The following NRIP1 variants were observed in gnomAD, a reference collection of about 807,000 sequenced individuals.
The protein encoded by NRIP1 is nuclear receptor interacting protein 1.
A neutral mutation model predicts 75.0 loss-of-function variants in NRIP1; 28 were observed. The observed-to-expected ratio is 0.37, with a 90% confidence interval of 0.28 to 0.51. NRIP1 has a LOEUF of 0.51. Among genes scored for constraint, NRIP1 ranks in the 20% least tolerant of loss-of-function variants. The pLI is 0.92. For missense variants in NRIP1, 1,435 were observed against 1,343.7 expected (o/e 1.07, Z -1.06); for synonymous variants, 526 against 487.6 (o/e 1.08, Z -1.04).
intron 1 of NRIP1, among the ~76,000 whole-genome samples, chr21:15,064,496 C>T (rs1293191235): frequency 6.6e-6 from 1 of 152,032 alleles, no homozygotes; most frequent in Non-Finnish European, 1.5e-5. Context: ...AGAACTGGCA[C>T]GGACGGGCGG....
At chr21:15,038,273 A>T (rs2088878094) in intron 2 of NRIP1, among the ~76,000 whole-genome samples, 1 of 152,114 alleles carries the variant, frequency 6.6e-6, no homozygotes, top group Admixed American at 6.6e-5. Flanking sequence ...GTACTATTTT[A>T]AAAACATTTA....
intron 3 of NRIP1, among the ~76,000 whole-genome samples, chr21:15,001,501 A>C (rs2087848093): frequency 6.6e-6 from 1 of 152,210 alleles, no homozygotes; most frequent in South Asian, 2.1e-4. Context: ...TTTCATATTA[A>C]GTAACCTCAA....
At chr21:14,979,810 G>A (rs1200171946) in intron 3 of NRIP1, among the ~76,000 whole-genome samples, 1 of 151,936 alleles carries the variant, frequency 6.6e-6, no homozygotes, top group Non-Finnish European at 1.5e-5. Flanking sequence ...CACTGCACCC[G>A]GCCAGAATTG....
chr21:15,036,347 T>G (rs1355799455), intron 2 of NRIP1, among the ~76,000 whole-genome samples: 1 of 152,162 alleles, frequency 6.6e-6, no homozygotes, highest in East Asian at 1.9e-4. Flanking sequence ...GAAACTATAA[T>G]CATTTCCTCC....
At chr21:15,037,281 C>T (rs1246638009) in intron 2 of NRIP1, among the ~76,000 whole-genome samples, 2 of 152,166 alleles carry the variant, frequency 1.3e-5, no homozygotes, top group African/African-American at 4.8e-5. Flanking sequence ...CATGAAAAAA[C>T]TGTTGCACAA....
intron 3 of NRIP1, among the ~76,000 whole-genome samples, chr21:14,981,610 T>C (rs1013259436): frequency 6.7e-6 from 1 of 148,182 alleles, no homozygotes; most frequent in African/African-American, 2.6e-5. Context: ...GTGATTTCAA[T>C]TGTTGGACCA....
chr21:15,037,814 A>C (rs910555070), intron 2 of NRIP1, among the ~76,000 whole-genome samples: 2 of 152,170 alleles, frequency 1.3e-5, no homozygotes, highest in Non-Finnish European at 1.5e-5. Context: ...CTTGTGAGCA[A>C]AGGTCTTTGT....
rs1320173225 is a variant in NRIP1 at position 14,965,702 on chromosome 21, G to A, written c.2491C>T (p.Leu831=). The A allele has an allele frequency of 1.2e-6, 2 of 1,613,770 alleles. No individual in the cohort carries two copies. Among genetic ancestry groups the A allele is most frequent in the Non-Finnish European group, 1.7e-6 (2 of 1,179,972 alleles). ...TGACTCCTGTCTGAATCATCTGCCA[G>A]GTAACTATCTTGATTTTGTCTTAGC... ...RLLRQNQDSY[L]ADDSDRSHRN... The change falls in exon 4 of 4, where the codon CTG becomes TTG. Residue 831 remains leucine (L), a synonymous_variant. Coordinates refer to ENST00000318948, the MANE Select transcript of NRIP1 (RefSeq NM_003489.4).
At chr21:14,979,808 C>A (rs2087180732) in intron 3 of NRIP1, among the ~76,000 whole-genome samples, 1 of 151,986 alleles carries the variant, frequency 6.6e-6, no homozygotes, top group African/African-American at 2.4e-5. Flanking sequence ...GCCACTGCAC[C>A]CGGCCAGAAT....
intron 3 of NRIP1, among the ~76,000 whole-genome samples, chr21:14,978,115 T>C (rs949922867): frequency 1.3e-5 from 2 of 152,134 alleles, no homozygotes; most frequent in African/African-American, 4.8e-5. Context: ...TCCATAGGAG[T>C]AAAATAGTGT....
intron 1 of NRIP1, among the ~76,000 whole-genome samples, chr21:15,047,940 T>C (rs1461151626): frequency 6.6e-6 from 1 of 152,220 alleles, no homozygotes; most frequent in East Asian, 1.9e-4. Context: ...AACTTTTCCT[T>C]GCATTTAAAT....
chr21:15,059,239 T>A (rs1248079290), intron 1 of NRIP1, among the ~76,000 whole-genome samples: 1 of 152,210 alleles, frequency 6.6e-6, no homozygotes, highest in Non-Finnish European at 1.5e-5. Context: ...AGTCACACAG[T>A]GACTTGGAAT....
intron 3 of NRIP1, among the ~76,000 whole-genome samples, chr21:15,003,864 A>G (rs561320767): frequency 6.6e-6 from 1 of 152,344 alleles, no homozygotes; most frequent in South Asian, 2.1e-4. Context: ...AAATCGATGA[A>G]TTAGGACAGT....
In NRIP1 at chr21:14,968,228, T is replaced by C; in HGVS notation, c.-36A>G. 3.4e-6 allele frequency: 5 copies of C among 1,468,426 alleles called. No homozygotes were observed. The highest frequency in any genetic ancestry group is 4.6e-6 in the Non-Finnish European group (5 of 1,075,436). 91.0% of individuals were successfully genotyped at this position (1,468,426 alleles called of 1,614,324 possible). On this transcript the variant is annotated 5_prime_UTR_variant, in exon 4 of 4. Transcript: ENST00000318948. Reference sequence around the variant, plus strand: ...AGTGTTCACAAGGGCTTGGTTTCTATTCACTTTAAAGAATGGTTTTCTGTG... The same window carrying C: ...AGTGTTCACAAGGGCTTGGTTTCTACTCACTTTAAAGAATGGTTTTCTGTG...
chr21:15,044,262 T>C (rs1295915783), intron 1 of NRIP1, among the ~76,000 whole-genome samples: 1 of 151,326 alleles, frequency 6.6e-6, no homozygotes, highest in Non-Finnish European at 1.5e-5. Context: ...ATTGCAGAGT[T>C]TGAAACACCT....
chr21:15,030,454 C>T (rs987286436), intron 2 of NRIP1, among the ~76,000 whole-genome samples: 1 of 152,178 alleles, frequency 6.6e-6, no homozygotes, highest in African/African-American at 2.4e-5. Context: ...TTTCTTCATG[C>T]TGCATGCCTA....
At chr21:15,028,724 A>G (rs2088578901) in intron 2 of NRIP1, among the ~76,000 whole-genome samples, 1 of 152,204 alleles carries the variant, frequency 6.6e-6, no homozygotes, top group Admixed American at 6.5e-5. Context: ...TCCACTCCAT[A>G]TAACACTTAA....
chr21:15,009,995 G>A (rs372272170), intron 3 of NRIP1, among the ~76,000 whole-genome samples: 1 of 152,208 alleles, frequency 6.6e-6, no homozygotes, highest in African/African-American at 2.4e-5. Context: ...GGTGCAGAGA[G>A]GGGCGGCAAC....
chr21:14,991,563 T>C (rs2087572786), intron 3 of NRIP1, among the ~76,000 whole-genome samples: 2 of 152,152 alleles, frequency 1.3e-5, no homozygotes, highest in South Asian at 2.1e-4. Context: ...GAAGCATGCA[T>C]TTCCACTCCT....
Sources: gnomAD v4.1 joint callset for allele counts (sites outside exome capture counted in the v4.1 genomes callset) on GRCh38, gnomAD v4.1.1 for gene constraint, MANE v1.5 for transcripts, NCBI Gene and HGNC (gene_info 2026-07-23, HGNC 2026-07-21) for gene names.